PIEZO2: variants seen among roughly 807,000 people sequenced by gnomAD.
PIEZO2 encodes piezo type mechanosensitive ion channel component 2.
Under a neutral mutation model 337.3 loss-of-function variants are expected in PIEZO2, and 172 were observed. The ratio of observed to expected loss-of-function variants is 0.51; its 90% confidence interval spans 0.45 to 0.58. PIEZO2 has a LOEUF of 0.58. PIEZO2 is among the 20% of genes least tolerant of loss of function. The pLI, the probability that PIEZO2 is intolerant of heterozygous loss-of-function variation, is 0.00. For missense variants in PIEZO2, 3,028 were observed against 3,391.3 expected, an observed-to-expected ratio of 0.89 and a Z score of 2.66; for synonymous variants, 1,251 against 1,228.5, an observed-to-expected ratio of 1.02 and a Z score of -0.38.
intron 1 of PIEZO2, among the ~76,000 whole-genome samples, chr18:11,123,996 G>A (rs995868939): frequency 3.3e-5 from 5 of 152,172 alleles, no homozygotes; most frequent in South Asian, 2.1e-4. Context: ...CTTCAACGAT[G>A]TATACTTACA....
At chr18:10,826,976 A>G (rs980734436) in intron 7 of PIEZO2, among the ~76,000 whole-genome samples, 19 of 152,134 alleles carry the variant, frequency 1.2e-4, no homozygotes, top group Non-Finnish European at 2.5e-4. Flanking sequence ...CAAAGGTTGG[A>G]TTTTTCACTT....
intron 1 of PIEZO2, among the ~76,000 whole-genome samples, chr18:11,133,465 G>T (rs956575586): frequency 6.6e-6 from 1 of 152,188 alleles, no homozygotes; most frequent in Non-Finnish European, 1.5e-5. Context: ...TTGATCCTGG[G>T]TGTGTCTGTG....
intron 4 of PIEZO2, among the ~76,000 whole-genome samples, chr18:10,883,841 C>T (rs919820790): frequency 2.7e-5 from 2 of 74,638 alleles, no homozygotes; most frequent in East Asian, 9.5e-4. Context: ...GACAGAGTCT[C>T]AATCTGTCGC....
intron 2 of PIEZO2, among the ~76,000 whole-genome samples, chr18:10,992,615 G>A (rs2035152817): frequency 6.6e-6 from 1 of 152,204 alleles, no homozygotes; most frequent in South Asian, 2.1e-4. Flanking sequence ...CTGCCATGCT[G>A]TTTTGGTTGT....
At chr18:10,804,999 C>T (rs1408251236) in intron 8 of PIEZO2, among the ~76,000 whole-genome samples, 1 of 152,164 alleles carries the variant, frequency 6.6e-6, no homozygotes, top group Non-Finnish European at 1.5e-5. Context: ...TGGCCTATAG[C>T]CTAGAAGGTC....
chr18:10,701,376 T>C (rs1474144642), intron 43 of PIEZO2, among the ~76,000 whole-genome samples: 1 of 152,264 alleles, frequency 6.6e-6, no homozygotes, highest in Non-Finnish European at 1.5e-5. Context: ...GGCAGGGCCA[T>C]GCTGTATAAA....
At chr18:11,103,802 T>TGC (rs1555714109) in intron 1 of PIEZO2, among the ~76,000 whole-genome samples, 119 of 151,540 alleles carry the variant, frequency 7.9e-4, no homozygotes, top group African/African-American at 2.7e-3. Flanking sequence ...TGTGTGTGTG[T>TGC]GTGTGTGCGT....
At chr18:10,990,210 A>T (rs1186439018) in intron 2 of PIEZO2, among the ~76,000 whole-genome samples, 1 of 152,218 alleles carries the variant, frequency 6.6e-6, no homozygotes, top group Non-Finnish European at 1.5e-5. Flanking sequence ...ACACAAAATC[A>T]TTTAGGTAAA....
intron 2 of PIEZO2, among the ~76,000 whole-genome samples, chr18:11,065,831 A>T (rs2038128712): frequency 6.6e-6 from 1 of 152,174 alleles, no homozygotes; most frequent in African/African-American, 2.4e-5. Flanking sequence ...TTTTATTGAC[A>T]ATACTTTGAG....
At chr18:10,714,613 T>C in intron 39 of PIEZO2, 151 bp downstream of exon 39, 1 of 811,478 alleles carries the variant, frequency 1.2e-6, no homozygotes, top group Non-Finnish European at 1.9e-6. Flanking sequence ...TTCCTTATAG[T>C]TTGTTGTACA....
chr18:10,769,701 G>A (rs1205204031), intron 21 of PIEZO2: 1 of 154,706 alleles, frequency 6.5e-6, no homozygotes, highest in Non-Finnish European at 1.4e-5. Flanking sequence ...CAGGTGCATG[G>A]CTGAAGACTT....
At chr18:10,718,995 A>AATT (rs1567981750) in intron 36 of PIEZO2, among the ~76,000 whole-genome samples, 2 of 150,170 alleles carry the variant, frequency 1.3e-5, no homozygotes, top group African/African-American at 4.9e-5. Flanking sequence ...ATAAATAAAT[A>AATT]AATAAATAAA....
At chr18:10,933,327 G>A (rs1167808620) in intron 3 of PIEZO2, among the ~76,000 whole-genome samples, 2 of 151,362 alleles carry the variant, frequency 1.3e-5, no homozygotes, top group Non-Finnish European at 1.5e-5. Flanking sequence ...TCCTATTTTT[G>A]TCTTTCTCCA....
At chr18:10,911,274 G>C (rs1423448009) in intron 3 of PIEZO2, 46 bp from the exon 4 acceptor site, 1 of 467,936 alleles carries the variant, frequency 2.1e-6, no homozygotes. Context: ...CAAGGACTCA[G>C]ATAGTTTTGT....
In PIEZO2 at chr18:10,954,021, G is replaced by T. The variant is rs913826730; in HGVS notation, c.286+25514C>A. 2.0e-5 allele frequency among the ~76,000 whole-genome samples: 3 copies of T among 152,192 alleles called. No homozygotes were observed. The highest frequency in any genetic ancestry group is 7.2e-5 in the African/African-American group (3 of 41,444). ...GCTGAAAGCAGGGAACTCACAATAT[G>T]GCCTTTAGGGTCCCTTGAGGCTTAA... is the stretch of plus-strand genomic sequence containing the variant. On this transcript the variant is annotated intron_variant, in intron 3 of 55. Coordinates refer to ENST00000674853, the MANE Select transcript of PIEZO2 (RefSeq NM_001378183.1). The surrounding 1 kb of genome is among the most constrained non-coding windows in gnomAD (Gnocchi z 4.2).
chr18:11,104,302 A>T lies in PIEZO2; in HGVS notation c.65-38080T>A, dbSNP rs2039499347. On this transcript the variant is annotated intron_variant, in intron 1 of 55. Transcript: ENST00000674853. The surrounding 1 kb of genome is among the most constrained non-coding windows in gnomAD (Gnocchi z 4.6). ...GGAGAATATCGTGAGGAAGAATCCT[A>T]TGCAGAAAGCTATGCTGTTAGCCCT... 6.6e-6 allele frequency among the ~76,000 whole-genome samples: 1 copy of T among 152,198 alleles called. No individual in the cohort carries two copies. The highest frequency in any genetic ancestry group is 1.5e-5 in the Non-Finnish European group (1 of 68,036).
rs2034304311 is a variant in PIEZO2 at position 10,973,042 on chromosome 18, A to G, written c.286+6493T>C. On this transcript the variant is annotated intron_variant, in intron 3 of 55. Coordinates refer to ENST00000674853, the MANE Select transcript of PIEZO2 (RefSeq NM_001378183.1). This position sits in a 1 kb window ranked among gnomAD's most constrained non-coding sequence, Gnocchi z 4.9. ...TAGCTCACAGTCACCCAAGATCCTA[A>G]ATTTTCTCATATATTAAATAGCATA... Among the ~76,000 whole-genome samples the G allele has an allele frequency of 6.6e-6, 1 of 152,172 alleles. No individual in the cohort carries two copies. Among genetic ancestry groups the G allele is most frequent in the South Asian group, 2.1e-4 (1 of 4,822 alleles).
rs889405621 is a variant in PIEZO2, at chr18:10,750,469, G to T, written c.4168-282C>A. Among the ~76,000 whole-genome samples the T allele has an allele frequency of 7.9e-5, 12 of 152,206 alleles. No individual in the cohort carries two copies. Among genetic ancestry groups the T allele is most frequent in the African/African-American group, 2.9e-4 (12 of 41,448 alleles). ...CAAGAAGAAATCTTGGACGATCATA[G>T]AAATAAATCCCAACTCTGTGATAAT... On this transcript the variant is annotated intron_variant, in intron 28 of 55. Coordinates refer to ENST00000674853, the MANE Select transcript of PIEZO2 (RefSeq NM_001378183.1). This position sits in a 1 kb window ranked among gnomAD's most constrained non-coding sequence, Gnocchi z 4.1.
chr18:10,761,672 C>T (rs891427478), intron 23 of PIEZO2, among the ~76,000 whole-genome samples: 2 of 152,080 alleles, frequency 1.3e-5, no homozygotes, highest in Non-Finnish European at 2.9e-5. Context: ...ATTCGATCAC[C>T]CTTTTCAAAT....
Sources: gnomAD v4.1 joint callset for allele counts (sites outside exome capture counted in the v4.1 genomes callset) on GRCh38, gnomAD v4.1.1 for gene constraint, Gnocchi (gnomAD v3.1) non-coding constraint, MANE v1.5 for transcripts, NCBI Gene and HGNC (gene_info 2026-07-23, HGNC 2026-07-21) for gene names.